RNF115: variants seen among roughly 807,000 people sequenced by gnomAD.
The protein encoded by RNF115 is E3 ubiquitin-protein ligase RNF115.
RNF115 carries 31 observed loss-of-function variants against 39.2 expected under a neutral mutation model. The ratio of observed to expected loss-of-function variants is 0.79; its 90% CI spans 0.59 to 1.07. RNF115 has a LOEUF of 1.07. RNF115 is among the 50% of genes least tolerant of loss of function. The pLI is 0.00. For missense variants in RNF115, 384 were observed against 381.7 expected, an observed-to-expected ratio of 1.01 and a Z score of -0.05; for synonymous variants, 124 against 131.0, an observed-to-expected ratio of 0.95 and a Z score of 0.37.
chr1:145,761,218 A>G (rs587671758), intron 4 of RNF115, among the ~76,000 whole-genome samples: 1 of 152,344 alleles, frequency 6.6e-6, no homozygotes, highest in African/African-American at 2.4e-5. Flanking sequence ...AGAAAAACCC[A>G]TTTTTTGAGG....
At chr1:145,784,488 T>C in intron 3 of RNF115, 51 bp downstream of exon 3, 1 of 1,518,236 alleles carries the variant, frequency 6.6e-7, no homozygotes, top group Non-Finnish European at 9.1e-7. Flanking sequence ...TGCCATGATT[T>C]TAACACCTAA....
At chr1:145,816,657 C>T (rs1387771476) in intron 1 of RNF115, among the ~76,000 whole-genome samples, 4 of 143,310 alleles carry the variant, frequency 2.8e-5, no homozygotes, top group African/African-American at 9.8e-5. Flanking sequence ...TCATTAAAAG[C>T]TGATGTAAAC....
intron 1 of RNF115, among the ~76,000 whole-genome samples, chr1:145,789,836 G>T (rs587715168): frequency 6.7e-6 from 1 of 149,396 alleles, no homozygotes; most frequent in East Asian, 2.0e-4. Context: ...CAGCCTCCCA[G>T]GTAGGTGGGA....
chr1:145,766,954 A>C (rs1320953154), intron 4 of RNF115, among the ~76,000 whole-genome samples: 3 of 116,124 alleles, frequency 2.6e-5, no homozygotes, highest in African/African-American at 3.6e-5. Context: ...TGACCCCCCC[A>C]CCTCCCTCCC....
At chr1:145,816,610 C>A (rs1262422468) in intron 1 of RNF115, among the ~76,000 whole-genome samples, 1 of 126,732 alleles carries the variant, frequency 7.9e-6, no homozygotes. Context: ...CTGAAGCAGA[C>A]CTTCCCATTG....
intron 4 of RNF115, among the ~76,000 whole-genome samples, chr1:145,755,604 G>C (rs1281892320): frequency 6.6e-6 from 1 of 152,092 alleles, no homozygotes; most frequent in Admixed American, 6.5e-5. Context: ...ATAATATACA[G>C]ATTTCGATAT....
chr1:145,782,167 A>T (rs1187782607), intron 3 of RNF115, among the ~76,000 whole-genome samples: 3 of 152,096 alleles, frequency 2.0e-5, no homozygotes, highest in African/African-American at 7.2e-5. Context: ...GGCCTCCCAA[A>T]GTGCTGGGAT....
At chr1:145,816,823 C>T (rs1176927908) in intron 1 of RNF115, among the ~76,000 whole-genome samples, 2 of 132,582 alleles carry the variant, frequency 1.5e-5, no homozygotes, top group African/African-American at 2.6e-5. Context: ...GGCTGGAGTA[C>T]AGTGGCACAA....
At chr1:145,794,127 AG>A (rs1398629750) in intron 1 of RNF115, among the ~76,000 whole-genome samples, 5 of 152,198 alleles carry the variant, frequency 3.3e-5, no homozygotes, top group Non-Finnish European at 7.3e-5. Context: ...TACAGGCGTG[AG>A]CCACCACGCC....
chr1:145,793,628 ACACACACACACACACCCTCGAGAGGTG>A (rs1648786711), intron 1 of RNF115, among the ~76,000 whole-genome samples: 2 of 150,366 alleles, frequency 1.3e-5, no homozygotes, highest in Non-Finnish European at 3.0e-5. Context: ...GCTTTTTCTC[ACACACACACACACACCCTCGAGAGGTG>A]GCATATCAGT....
intron 4 of RNF115, among the ~76,000 whole-genome samples, chr1:145,758,661 A>G (rs1208682865): frequency 2.6e-5 from 4 of 152,190 alleles, no homozygotes; most frequent in Non-Finnish European, 5.9e-5. Context: ...GAGATAGCCT[A>G]GTTCTTGAAG....
intron 1 of RNF115, among the ~76,000 whole-genome samples, chr1:145,808,296 A>C (rs909863809): frequency 7.2e-5 from 11 of 152,144 alleles, no homozygotes; most frequent in African/African-American, 2.7e-4. Flanking sequence ...ACTAATTTAC[A>C]TTCTCATCAA....
intron 1 of RNF115, among the ~76,000 whole-genome samples, chr1:145,812,124 T>C (rs1553722753): frequency 6.8e-6 from 1 of 146,558 alleles, no homozygotes; most frequent in African/African-American, 2.4e-5. Flanking sequence ...AGAAAGAGCA[T>C]GTAACTATAA....
chr1:145,772,436 A>G (rs1169270032), intron 3 of RNF115: 2 of 153,072 alleles, frequency 1.3e-5, no homozygotes, highest in African/African-American at 4.8e-5. Flanking sequence ...CCCCTCAGCT[A>G]TTGTTTATCT....
intron 3 of RNF115, among the ~76,000 whole-genome samples, chr1:145,778,593 G>A (rs1228027107): frequency 2.6e-5 from 4 of 152,042 alleles, no homozygotes; most frequent in East Asian, 1.9e-4. Flanking sequence ...GTTCACAGGC[G>A]ATTTTGTGAA....
chr1:145,823,521 T>C (rs1650398071), intron 1 of RNF115, among the ~76,000 whole-genome samples: 1 of 149,068 alleles, frequency 6.7e-6, no homozygotes. Context: ...AAAAAAAAAT[T>C]AAGGACACGG....
rs191392323 is a variant in RNF115 at position 145,764,266 on chromosome 1, A to C, written c.428+7445T>G. On this transcript the variant is annotated intron_variant, in intron 4 of 8. Transcript: ENST00000582693. ...AGTGGCTTGATCTCGGCTCGCTACA[A>C]CCTCCACCTCCCAGCCGCCTGCCTT... Among the ~76,000 whole-genome samples the C allele has an allele frequency of 8.3e-3, 1,264 of 151,786 alleles. 12 individuals carry two copies. The highest frequency in any genetic ancestry group is 0.013 in the Non-Finnish European group (866 of 67,922).
chr1:145,757,147 C>T (rs1437324767), intron 4 of RNF115, among the ~76,000 whole-genome samples: 1 of 152,068 alleles, frequency 6.6e-6, no homozygotes, highest in Non-Finnish European at 1.5e-5. Flanking sequence ...AATTTCTCTC[C>T]TTATAAGACT....
At position 145,742,817 on chromosome 1, in the gene RNF115, C is replaced by A. The variant is rs1657727748; in HGVS notation, c.*4049G>T. Reference sequence around the variant, plus strand: ...AAACAAGTTCTTCCCCTCAAATTTTCCTTCTAACTTGAGAACCAATTCCTG... The same window carrying A: ...AAACAAGTTCTTCCCCTCAAATTTTACTTCTAACTTGAGAACCAATTCCTG... On this transcript the variant is annotated 3_prime_UTR_variant, in exon 9 of 9. Coordinates refer to ENST00000582693, the MANE Select transcript of RNF115 (RefSeq NM_014455.4). 1.3e-5 allele frequency: 2 copies of A among 152,182 alleles called. No individual in the cohort carries two copies. The highest frequency in any genetic ancestry group is 2.9e-5 in the Non-Finnish European group (2 of 68,040). The allele number at this position is 152,182 out of a possible 1,614,324, so 9.4% of individuals were successfully genotyped here.
Sources: gnomAD v4.1 joint callset for allele counts (sites outside exome capture counted in the v4.1 genomes callset) on GRCh38, gnomAD v4.1.1 for gene constraint, MANE v1.5 for transcripts, NCBI Gene and HGNC (gene_info 2026-07-23, HGNC 2026-07-21) for gene names.